POU2F1: variants seen among roughly 807,000 people sequenced by gnomAD.
The protein encoded by POU2F1 is POU class 2 homeobox 1, also known as POU domain, class 2, transcription factor 1.
A neutral mutation model predicts 84.9 loss-of-function variants in POU2F1; 16 were observed. The observed-to-expected ratio is 0.19, with a 90% confidence interval of 0.13 to 0.29. POU2F1 has a LOEUF of 0.29. Among genes scored for constraint, POU2F1 ranks in the 10% least tolerant of loss-of-function variants. The probability of loss-of-function intolerance (pLI) is 1.00; values close to 1 mark genes in which losing one functional copy is unlikely to be tolerated. For missense variants in POU2F1, 738 were observed against 942.6 expected (o/e 0.78, Z 2.84); for synonymous variants, 368 against 368.3 (o/e 1.00, Z 0.01).
chr1:167,287,885 A>G (rs1049119128), intron 1 of POU2F1, among the ~76,000 whole-genome samples: 1 of 152,224 alleles, frequency 6.6e-6, no homozygotes, highest in Non-Finnish European at 1.5e-5. Flanking sequence ...AGAATATCTT[A>G]ATAGAGAGTA....
At chr1:167,281,639 T>G (rs1653147644) in intron 1 of POU2F1, among the ~76,000 whole-genome samples, 1 of 152,216 alleles carries the variant, frequency 6.6e-6, no homozygotes, top group Admixed American at 6.5e-5. Context: ...GTTGACTACA[T>G]TTGATTGGCC....
In POU2F1 at chr1:167,372,929, TTTTCTTTC is replaced by T. The variant is rs36194315; in HGVS notation, c.402+909_402+916del. Among the ~76,000 whole-genome samples, 208 of 150,840 alleles carry T rather than the reference TTTTCTTTC, an allele frequency of 1.4e-3. 1 individual carries two copies. The highest frequency in any genetic ancestry group is 2.2e-3 in the Non-Finnish European group (149 of 67,604). On this transcript the variant is annotated intron_variant, in intron 5 of 15. Coordinates refer to ENST00000367866, the MANE Select transcript of POU2F1 (RefSeq NM_002697.4). ...CCCAAGAATTTCCTAGGGTTTTTTG[TTTTCTTTC>T]TTTCTTTCTTTCTTTTTTTCCCAGT...
chr1:167,346,515 C>T (rs970742043), intron 2 of POU2F1, among the ~76,000 whole-genome samples: 3 of 152,098 alleles, frequency 2.0e-5, no homozygotes, highest in African/African-American at 2.4e-5. Context: ...CCACAGACAG[C>T]GAGTAGGGGA....
At chr1:167,258,073 C>T (rs566602802) in intron 1 of POU2F1, among the ~76,000 whole-genome samples, 8 of 152,148 alleles carry the variant, frequency 5.3e-5, no homozygotes, top group Non-Finnish European at 1.2e-4. Context: ...GCCCAAGGTT[C>T]CAAAGCTAAG....
At chr1:167,384,305 C>G (rs1238007117) in intron 8 of POU2F1, among the ~76,000 whole-genome samples, 1 of 152,118 alleles carries the variant, frequency 6.6e-6, no homozygotes, top group Non-Finnish European at 1.5e-5. Flanking sequence ...TTTACCCTTT[C>G]TCAGAAACTG....
chr1:167,292,634 C>G (rs745918389), intron 1 of POU2F1, among the ~76,000 whole-genome samples: 2 of 151,684 alleles, frequency 1.3e-5, no homozygotes, highest in East Asian at 3.9e-4. Flanking sequence ...GCCAGTATCA[C>G]TCTGATACCA....
chr1:167,385,449 T>G (rs1447648255), intron 8 of POU2F1, among the ~76,000 whole-genome samples: 3 of 152,244 alleles, frequency 2.0e-5, no homozygotes, highest in Non-Finnish European at 4.4e-5. Context: ...GAAGACAGTG[T>G]AATACTGGCA....
chr1:167,256,657 C>G (rs1026744588), intron 1 of POU2F1, among the ~76,000 whole-genome samples: 2 of 152,142 alleles, frequency 1.3e-5, no homozygotes, highest in African/African-American at 4.8e-5. Context: ...ATCTCACTTA[C>G]GCCACCCGAA....
intron 9 of POU2F1, 85 bp from the exon 10 acceptor site, chr1:167,396,201 G>A (rs374300000): frequency 6.7e-7 from 1 of 1,485,668 alleles, no homozygotes; most frequent in Non-Finnish European, 9.2e-7. Context: ...AGTTATTGGA[G>A]CAACACCCCA....
chr1:167,364,149 T>A (rs1041250200), intron 2 of POU2F1, among the ~76,000 whole-genome samples: 4 of 152,206 alleles, frequency 2.6e-5, no homozygotes, highest in Non-Finnish European at 5.9e-5. Flanking sequence ...TTGAAAACAA[T>A]GTATTATAAT....
intron 1 of POU2F1, among the ~76,000 whole-genome samples, chr1:167,221,459 G>A (rs1165893420): frequency 2.7e-5 from 4 of 149,286 alleles, no homozygotes; most frequent in Non-Finnish European, 4.5e-5. Context: ...GAAGGGGGAT[G>A]GAGGCGGCGG....
chr1:167,417,679 C>T lies in POU2F1; in HGVS notation c.*1869C>T, dbSNP rs1047329106. 4 of 152,122 alleles carry T rather than the reference C, an allele frequency of 2.6e-5. No homozygotes were observed. In the South Asian group the frequency reaches 8.3e-4, roughly 32 times the overall value. 9.4% of individuals were successfully genotyped at this position (152,122 alleles called of 1,614,324 possible). On this transcript the variant is annotated 3_prime_UTR_variant, in exon 16 of 16. Coordinates refer to ENST00000367866, the MANE Select transcript of POU2F1 (RefSeq NM_002697.4). ...CCAAGACTGCACTTTTTCTCCCTTT[C>T]GAGCTGGGGATGTAGAGAGAACTTA...
At chr1:167,321,086 C>T (rs1019966213) in intron 1 of POU2F1, among the ~76,000 whole-genome samples, 3 of 152,090 alleles carry the variant, frequency 2.0e-5, no homozygotes, top group Non-Finnish European at 4.4e-5. Context: ...ATAATTAAAC[C>T]AGCATGAAAA....
At chr1:167,342,854 T>C (rs915793889) in intron 2 of POU2F1, among the ~76,000 whole-genome samples, 3 of 152,360 alleles carry the variant, frequency 2.0e-5, no homozygotes, top group Non-Finnish European at 4.4e-5. Flanking sequence ...GCTGCTCTTA[T>C]AAGCCTGAGA....
At chr1:167,396,770 T>C (rs1309761885) in intron 10 of POU2F1, 1 of 173,518 alleles carries the variant, frequency 5.8e-6, no homozygotes, top group East Asian at 1.5e-4. Flanking sequence ...AGAAGCTTAT[T>C]GTTTCTTCCT....
Position 167,396,440 on chromosome 1 carries a change from A to G in POU2F1, c.1129+13A>G, listed in dbSNP as rs1249983488. ...CTAAATGATGCAGGTAAGTGACTGT[A>G]TAAGACATTTCTTTGTCATTCATTG... On this transcript the variant is annotated intron_variant, in intron 10 of 15. Coordinates refer to ENST00000367866, the MANE Select transcript of POU2F1 (RefSeq NM_002697.4). 1.9e-6 allele frequency: 3 copies of G among 1,609,366 alleles called. No homozygotes were observed. Among genetic ancestry groups the G allele is most frequent in the South Asian group, 2.2e-5 (2 of 90,658 alleles).
At chr1:167,240,677 C>T (rs943796555) in intron 1 of POU2F1, among the ~76,000 whole-genome samples, 1 of 152,114 alleles carries the variant, frequency 6.6e-6, no homozygotes, top group Non-Finnish European at 1.5e-5. Context: ...TTTTCTTGTG[C>T]TTCTGCATAA....
intron 1 of POU2F1, among the ~76,000 whole-genome samples, chr1:167,316,339 A>C (rs1655897548): frequency 6.6e-6 from 1 of 152,244 alleles, no homozygotes; most frequent in Non-Finnish European, 1.5e-5. Context: ...TAATTTCAAA[A>C]TAAAAAGTCA....
At chr1:167,267,545 T>C (rs1050697994) in intron 1 of POU2F1, among the ~76,000 whole-genome samples, 1 of 150,826 alleles carries the variant, frequency 6.6e-6, no homozygotes, top group Non-Finnish European at 1.5e-5. Context: ...CAGAGATTCC[T>C]AGGGCATTGT....
Sources: gnomAD v4.1 joint callset for allele counts (sites outside exome capture counted in the v4.1 genomes callset) on GRCh38, gnomAD v4.1.1 for gene constraint, MANE v1.5 for transcripts, NCBI Gene and HGNC (gene_info 2026-07-23, HGNC 2026-07-21) for gene names.